Variants in COL26A1 observed in about 807,000 individuals in gnomAD.
COL26A1 encodes collagen alpha-1(XXVI) chain.
In COL26A1, 41 loss-of-function variants were observed where a neutral mutation model predicts 59.3. The observed-to-expected ratio is 0.69, with a 90% confidence interval of 0.54 to 0.90. The LOEUF is 0.90. Ranked by LOEUF, COL26A1 falls within the 40% of genes least tolerant of loss-of-function variation. COL26A1 has a pLI of 0.00. For missense variants in COL26A1, 612 were observed against 602.3 expected (o/e 1.02, Z -0.17); for synonymous variants, 266 against 256.0 (o/e 1.04, Z -0.37).
intron 3 of COL26A1, among the ~76,000 whole-genome samples, chr7:101,470,605 C>G (rs536544418): frequency 1.3e-5 from 2 of 152,146 alleles, no homozygotes; most frequent in Non-Finnish European, 2.9e-5. Context: ...TCCTGTATCA[C>G]ATAGGCCAGT....
At chr7:101,391,461 G>A (rs1265559103) in intron 1 of COL26A1, among the ~76,000 whole-genome samples, 2 of 152,216 alleles carry the variant, frequency 1.3e-5, no homozygotes, top group Non-Finnish European at 2.9e-5. Context: ...GGAAATTTCA[G>A]AAGCAAACTA....
At chr7:101,446,737 C>T (rs949724303) in intron 2 of COL26A1, among the ~76,000 whole-genome samples, 5 of 151,986 alleles carry the variant, frequency 3.3e-5, no homozygotes, top group African/African-American at 9.7e-5. Flanking sequence ...ATCTCAGCTA[C>T]TCCGGAGGCT....
At chr7:101,516,222 A>C (rs1220755957) in intron 3 of COL26A1, among the ~76,000 whole-genome samples, 1 of 152,124 alleles carries the variant, frequency 6.6e-6, no homozygotes, top group Non-Finnish European at 1.5e-5. Context: ...TCTTGTCTTT[A>C]CAACTGTATG....
At chr7:101,512,115 T>C (rs953015450) in intron 3 of COL26A1, among the ~76,000 whole-genome samples, 1 of 152,206 alleles carries the variant, frequency 6.6e-6, no homozygotes, top group African/African-American at 2.4e-5. Context: ...GCTGGTGCTG[T>C]GGTCACCGTG....
chr7:101,390,742 A>C (rs1237582978), intron 1 of COL26A1, among the ~76,000 whole-genome samples: 1 of 152,140 alleles, frequency 6.6e-6, no homozygotes, highest in East Asian at 1.9e-4. Context: ...ACTTTTAAAG[A>C]AGCCACCAGC....
At chr7:101,366,057 G>A (rs955872843) in intron 1 of COL26A1, among the ~76,000 whole-genome samples, 1 of 152,212 alleles carries the variant, frequency 6.6e-6, no homozygotes, top group South Asian at 2.1e-4. Flanking sequence ...ATATAATTAG[G>A]TTTAGGGAGG....
At chr7:101,382,952 GA>G (rs546162577) in intron 1 of COL26A1, among the ~76,000 whole-genome samples, 40 of 152,300 alleles carry the variant, frequency 2.6e-4, no homozygotes, top group African/African-American at 9.1e-4. Context: ...GGAGGCAGGA[GA>G]ATCACTTGAG....
intron 3 of COL26A1, among the ~76,000 whole-genome samples, chr7:101,488,112 GA>G (rs112465776): frequency 6.8e-6 from 1 of 146,012 alleles, no homozygotes; most frequent in East Asian, 2.1e-4. Context: ...CATCTCTACT[GA>G]AAAAAAAACA....
At chr7:101,384,057 A>G (rs1370563351) in intron 1 of COL26A1, among the ~76,000 whole-genome samples, 2 of 152,018 alleles carry the variant, frequency 1.3e-5, no homozygotes, top group East Asian at 3.9e-4. Context: ...TCCATTGACA[A>G]GCCTGGAGTG....
At chr7:101,395,771 T>TCGG (rs1791841443) in intron 1 of COL26A1, among the ~76,000 whole-genome samples, 1 of 152,128 alleles carries the variant, frequency 6.6e-6, no homozygotes, top group South Asian at 2.1e-4. Context: ...CTGAGGGACA[T>TCGG]CTGCCTTTAA....
intron 3 of COL26A1, among the ~76,000 whole-genome samples, chr7:101,532,847 A>G (rs968128675): frequency 6.6e-6 from 1 of 152,174 alleles, no homozygotes; most frequent in African/African-American, 2.4e-5. Flanking sequence ...TTGTCTGAAT[A>G]AACAGACAGT....
intron 1 of COL26A1, among the ~76,000 whole-genome samples, chr7:101,384,036 C>T (rs1393627393): frequency 1.4e-5 from 2 of 147,460 alleles, no homozygotes; most frequent in African/African-American, 5.3e-5. Flanking sequence ...TTATTTGAGA[C>T]AGGGTCTCAC....
chr7:101,465,034 C>CTTTT (rs112899121), intron 3 of COL26A1, among the ~76,000 whole-genome samples: 151 of 129,920 alleles, frequency 1.2e-3, no homozygotes, highest in East Asian at 2.2e-3. Context: ...TTCTTTCTTT[C>CTTTT]TTTTTTTTTT....
intron 3 of COL26A1, among the ~76,000 whole-genome samples, chr7:101,467,513 G>T (rs540804196): frequency 6.6e-6 from 1 of 151,628 alleles, no homozygotes; most frequent in South Asian, 2.1e-4. Flanking sequence ...GTGCAGACGG[G>T]TTCTCTACCT....
At chr7:101,554,828 G>T (rs891362987) in intron 11 of COL26A1, among the ~76,000 whole-genome samples, 2 of 152,052 alleles carry the variant, frequency 1.3e-5, no homozygotes, top group Non-Finnish European at 2.9e-5. Flanking sequence ...CAGGTCCCTT[G>T]GTCTCCCCTG....
chr7:101,387,776 A>ATTTTTTTTTTTTTTTTTTTTTTTT (rs1445116473), intron 1 of COL26A1, among the ~76,000 whole-genome samples: 1 of 84,768 alleles, frequency 1.2e-5, no homozygotes, highest in Non-Finnish European at 2.2e-5. Context: ...ATATATATAT[A>ATTTTTTTTTTTTTTTTTTTTTTTT]TATTTTTTTT....
At chr7:101,484,379 T>G (rs189782282) in intron 3 of COL26A1, among the ~76,000 whole-genome samples, 8 of 152,044 alleles carry the variant, frequency 5.3e-5, no homozygotes, top group Admixed American at 4.6e-4. Flanking sequence ...TTATTATTAT[T>G]ATTATTTTTG....
At chr7:101,400,410 G>T (rs1791968729) in intron 1 of COL26A1, among the ~76,000 whole-genome samples, 1 of 129,012 alleles carries the variant, frequency 7.8e-6, no homozygotes. Context: ...CACCCAGGCT[G>T]GAGTGCAGTG....
At chr7:101,453,398 G>C (rs376747990) in intron 3 of COL26A1, among the ~76,000 whole-genome samples, 2 of 152,154 alleles carry the variant, frequency 1.3e-5, no homozygotes, top group Admixed American at 6.5e-5. Context: ...GAGACCACTC[G>C]TATATGCAGT....
Sources: gnomAD v4.1 joint callset for allele counts (sites outside exome capture counted in the v4.1 genomes callset) on GRCh38, gnomAD v4.1.1 for gene constraint, MANE v1.5 for transcripts, NCBI Gene and HGNC (gene_info 2026-07-23, HGNC 2026-07-21) for gene names.